FILIP1: variants seen among roughly 807,000 people sequenced by gnomAD.
The protein encoded by FILIP1 is filamin A interacting protein 1, also known as filamin-A-interacting protein 1.
In FILIP1, 61 loss-of-function variants were observed where a neutral mutation model predicts 102.1. The ratio of observed to expected loss-of-function variants is 0.60; its 90% CI spans 0.49 to 0.74. The LOEUF (loss-of-function observed/expected upper bound fraction) is 0.74, where lower values mean the gene tolerates loss of function less well. Ranked by LOEUF, FILIP1 falls within the 30% of genes least tolerant of loss-of-function variation. The pLI, the probability that FILIP1 is intolerant of heterozygous loss-of-function variation, is 0.00. For synonymous variants in FILIP1, 491 were observed against 526.9 expected (o/e 0.93, Z 0.93); for missense variants, 1,314 against 1,441.2 (o/e 0.91, Z 1.43).
intron 4 of FILIP1, among the ~76,000 whole-genome samples, chr6:75,322,976 G>A (rs1201114568): frequency 1.3e-5 from 2 of 152,192 alleles, no homozygotes; most frequent in East Asian, 3.8e-4. Context: ...TTACAAGCAT[G>A]AGCCACTATG....
intron 1 of FILIP1, among the ~76,000 whole-genome samples, chr6:75,424,155 A>G (rs947245955): frequency 1.3e-5 from 2 of 152,166 alleles, no homozygotes; most frequent in African/African-American, 2.4e-5. Context: ...GAGCTAGAAC[A>G]CAGGTCTGTT....
At chr6:75,373,727 A>G (rs1775654269) in intron 2 of FILIP1, among the ~76,000 whole-genome samples, 1 of 151,230 alleles carries the variant, frequency 6.6e-6, no homozygotes, top group Non-Finnish European at 1.5e-5. Flanking sequence ...TAAAATTTCA[A>G]CCTGGGCGCA....
chr6:75,371,183 C>T (rs1183386335), intron 2 of FILIP1, among the ~76,000 whole-genome samples: 1 of 152,122 alleles, frequency 6.6e-6, no homozygotes, highest in Non-Finnish European at 1.5e-5. Flanking sequence ...AACATTCAGA[C>T]ATAGTTAGGT....
intron 3 of FILIP1, among the ~76,000 whole-genome samples, chr6:75,362,455 T>C (rs1403933042): frequency 6.6e-6 from 1 of 152,238 alleles, no homozygotes; most frequent in Admixed American, 6.5e-5. Context: ...ACACATATCA[T>C]TTCTTAGAGA....
chr6:75,441,515 G>C (rs1778226352), intron 1 of FILIP1, among the ~76,000 whole-genome samples: 1 of 152,116 alleles, frequency 6.6e-6, no homozygotes, highest in Non-Finnish European at 1.5e-5. Flanking sequence ...CAGACGGGGT[G>C]GTGGCCGGGT....
At chr6:75,305,118 A>G (rs1333681909), downstream of FILIP1, among the ~76,000 whole-genome samples, 1 of 152,180 alleles carries the variant, frequency 6.6e-6, no homozygotes, top group East Asian at 1.9e-4. Context: ...CCCTAAAGAG[A>G]CAGAAAGGAA....
chr6:75,374,239 T>C (rs73457741), intron 2 of FILIP1, among the ~76,000 whole-genome samples: 7 of 152,314 alleles, frequency 4.6e-5, no homozygotes, highest in African/African-American at 1.4e-4. Flanking sequence ...TCCTACAGTG[T>C]ATAATTTCTT....
chr6:75,361,457 A>G (rs1332915448), intron 3 of FILIP1, among the ~76,000 whole-genome samples: 5 of 152,140 alleles, frequency 3.3e-5, no homozygotes, highest in Non-Finnish European at 5.9e-5. Flanking sequence ...TCTCTAATCC[A>G]AGTTATTATT....
chr6:75,485,697 A>C (rs1779763661), intron 1 of FILIP1, among the ~76,000 whole-genome samples: 1 of 152,090 alleles, frequency 6.6e-6, no homozygotes, highest in Non-Finnish European at 1.5e-5. Flanking sequence ...CCAAATAGTC[A>C]GACATTTGGA....
chr6:75,401,870 T>C (rs569862639), intron 2 of FILIP1, among the ~76,000 whole-genome samples: 76 of 152,308 alleles, frequency 5.0e-4, no homozygotes, highest in African/African-American at 1.8e-3. Context: ...ATGCTCCATG[T>C]AAAAAGAGCA....
chr6:75,454,964 C>T (rs1778775061), intron 1 of FILIP1: 2 of 152,126 alleles, frequency 1.3e-5, no homozygotes, highest in South Asian at 4.2e-4. Context: ...TGTAACTTCT[C>T]CACAGGATAA....
chr6:75,378,325 A>T (rs1006198877), intron 2 of FILIP1, among the ~76,000 whole-genome samples: 4 of 152,200 alleles, frequency 2.6e-5, no homozygotes, highest in Non-Finnish European at 5.9e-5. Context: ...AAGCTACAAA[A>T]ATGTGAAACA....
At chr6:75,414,671 T>C (rs748507491) in intron 2 of FILIP1, 26 bp downstream of exon 2, 2 of 1,601,142 alleles carry the variant, frequency 1.2e-6, no homozygotes, top group South Asian at 1.1e-5. Context: ...AAAGACACAA[T>C]AACAGTTGGG....
chr6:75,483,354 G>T (rs1015266861), intron 1 of FILIP1, among the ~76,000 whole-genome samples: 6 of 152,158 alleles, frequency 3.9e-5, no homozygotes, highest in Non-Finnish European at 7.4e-5. Context: ...GAGAAGATAG[G>T]GGGAGGTATA....
At chr6:75,483,740 G>C (rs1217876898) in intron 1 of FILIP1, among the ~76,000 whole-genome samples, 1 of 152,142 alleles carries the variant, frequency 6.6e-6, no homozygotes, top group Non-Finnish European at 1.5e-5. Context: ...CCCTGATGCT[G>C]AAATGAGGGA....
chr6:75,392,110 C>A (rs1472920227), intron 2 of FILIP1, among the ~76,000 whole-genome samples: 1 of 152,148 alleles, frequency 6.6e-6, no homozygotes, highest in Non-Finnish European at 1.5e-5. Flanking sequence ...TTTCCTCTTT[C>A]CTCTCAAACT....
intron 4 of FILIP1, among the ~76,000 whole-genome samples, chr6:75,352,126 C>T (rs1774830407): frequency 6.6e-6 from 1 of 152,154 alleles, no homozygotes; most frequent in Non-Finnish European, 1.5e-5. Flanking sequence ...AATGTTTAAG[C>T]CAAGCCTGTT....
rs77156519 is a variant in FILIP1 at position 75,321,919 on chromosome 6, T to C, written c.630-6717A>G. Among the ~76,000 whole-genome samples, 330 of 151,854 alleles carry C rather than the reference T, an allele frequency of 2.2e-3. 4 individuals are homozygous for C. Among genetic ancestry groups the C allele is most frequent in the East Asian group, 0.018 (95 of 5,154 alleles). ...CCCAAAAATGAGAGATAAAAAGAAT[T>C]AGAAGGACCTATGGAAGGCCTGTGC... On this transcript the variant is annotated intron_variant, in intron 4 of 5. Transcript: ENST00000237172.
rs573131970 is a variant in FILIP1, at chr6:75,319,056, TTCA to T, written c.630-3857_630-3855del. The T allele has an allele frequency of 2.3e-4, 164 of 728,572 alleles. No homozygotes were observed. The African/African-American group carries it at 2.7e-3, about 12-fold the overall frequency. The allele number at this position is 728,572 out of a possible 1,614,324, so 45.1% of individuals were successfully genotyped here. A position where few individuals can be genotyped will look rare whatever the true frequency, so the allele number is the denominator to read the frequency against. On this transcript the variant is annotated intron_variant, in intron 4 of 5. Coordinates refer to ENST00000237172, the MANE Select transcript of FILIP1 (RefSeq NM_015687.5). The stretch of plus-strand genomic sequence containing the variant: ...ATTCATCATCGTCATCTTCTTCATC[TTCA>T]TCTTCTTCACCTTCTTCCTCCTCTT...
Sources: allele counts gnomAD v4.1 joint callset (sites outside exome capture counted in the v4.1 genomes callset), GRCh38; gene constraint gnomAD v4.1.1; transcripts MANE v1.5; gene names NCBI Gene and HGNC (gene_info 2026-07-23, HGNC 2026-07-21).